The following MCU variants were observed in gnomAD, a reference collection of about 807,000 sequenced individuals.
MCU encodes calcium uniporter protein, mitochondrial.
Under a neutral mutation model 45.2 loss-of-function variants are expected in MCU, and 12 were observed. The ratio of observed to expected loss-of-function variants is 0.27; its 90% CI spans 0.17 to 0.43. The LOEUF is 0.43. Ranked by LOEUF, MCU falls within the 20% of genes least tolerant of loss-of-function variation. The pLI is 1.00. For missense variants in MCU, 324 were observed against 436.7 expected (o/e 0.74, Z 2.30); for synonymous variants, 160 against 165.1 (o/e 0.97, Z 0.24).
chr10:72,761,867 C>T (rs756536681), intron 1 of MCU, among the ~76,000 whole-genome samples: 10 of 152,010 alleles, frequency 6.6e-5, no homozygotes, highest in Non-Finnish European at 1.5e-4. Context: ...CTCCAAAGTC[C>T]ATTATATCAC....
intron 1 of MCU, among the ~76,000 whole-genome samples, chr10:72,784,916 A>G (rs1256772036): frequency 1.3e-5 from 2 of 152,182 alleles, no homozygotes; most frequent in Non-Finnish European, 2.9e-5. Context: ...ACACACATGG[A>G]TAATGATTTT....
intron 1 of MCU, among the ~76,000 whole-genome samples, chr10:72,711,221 C>CT (rs78511090): frequency 0.016 from 2,081 of 130,008 alleles, 31 homozygotes; most frequent in East Asian, 0.093. Context: ...TTCTGCAAAT[C>CT]TTTTTTTTTT....
intron 1 of MCU, among the ~76,000 whole-genome samples, chr10:72,741,553 G>A (rs1843332409): frequency 6.6e-6 from 1 of 152,158 alleles, no homozygotes; most frequent in African/African-American, 2.4e-5. Context: ...TCCATGCCAG[G>A]TAAAGTGAGA....
intron 6 of MCU, among the ~76,000 whole-genome samples, chr10:72,877,600 T>A (rs1023093061): frequency 5.9e-5 from 9 of 151,840 alleles, no homozygotes; most frequent in Non-Finnish European, 8.8e-5. Context: ...TTAGAATTGT[T>A]AGACAAAACA....
At chr10:72,702,241 ACT>A (rs1842767483) in intron 1 of MCU, among the ~76,000 whole-genome samples, 1 of 151,314 alleles carries the variant, frequency 6.6e-6, no homozygotes, top group Non-Finnish European at 1.5e-5. Context: ...ACAGAGCAAA[ACT>A]CTGTCTCAAA....
chr10:72,782,568 C>T (rs1416947453), intron 1 of MCU, among the ~76,000 whole-genome samples: 1 of 152,206 alleles, frequency 6.6e-6, no homozygotes, highest in Non-Finnish European at 1.5e-5. Flanking sequence ...GGCGGGGTTT[C>T]GCCATGTTGG....
rs147335862 is a variant in MCU at position 72,838,685 on chromosome 10, A to G, written c.220+4257A>G. On this transcript the variant is annotated intron_variant, in intron 2 of 7. Coordinates refer to ENST00000373053, the MANE Select transcript of MCU (RefSeq NM_138357.3). ...GAATTGCTAGAGAGTTGTTATGTTT[A>G]TCTTGTACTTAACAAAAGATACAAG... is the stretch of plus-strand genomic sequence containing the variant. Among the ~76,000 whole-genome samples, 460 of 152,326 alleles carry G rather than the reference A, an allele frequency of 3.0e-3. 4 individuals are homozygous for G. The highest frequency in any genetic ancestry group is 0.01 in the African/African-American group (431 of 41,580).
At chr10:72,757,935 G>A (rs1843602034) in intron 1 of MCU, among the ~76,000 whole-genome samples, 1 of 152,230 alleles carries the variant, frequency 6.6e-6, no homozygotes, top group Non-Finnish European at 1.5e-5. Context: ...TAGAACACTT[G>A]CCTATGTAGC....
chr10:72,722,616 A>C (rs932609581), intron 1 of MCU, among the ~76,000 whole-genome samples: 8 of 151,866 alleles, frequency 5.3e-5, no homozygotes, highest in Admixed American at 5.3e-4. Context: ...TTTAAAAATT[A>C]ATTTTTCAGG....
intron 1 of MCU, among the ~76,000 whole-genome samples, chr10:72,737,390 A>G (rs1189522434): frequency 6.6e-6 from 1 of 152,232 alleles, no homozygotes; most frequent in Non-Finnish European, 1.5e-5. Flanking sequence ...CCTGGGCCCC[A>G]GACTTTAAAG....
At chr10:72,705,813 C>T (rs1016403363) in intron 1 of MCU, among the ~76,000 whole-genome samples, 14 of 147,934 alleles carry the variant, frequency 9.5e-5, no homozygotes, top group African/African-American at 2.8e-4. Context: ...GCAAAAACTC[C>T]GTCTCAAAAA....
chr10:72,793,297 A>C (rs761073293), intron 1 of MCU, among the ~76,000 whole-genome samples: 1 of 152,198 alleles, frequency 6.6e-6, no homozygotes, highest in Non-Finnish European at 1.5e-5. Flanking sequence ...GTCACAGATG[A>C]GAAGCCAGAT....
intron 1 of MCU, among the ~76,000 whole-genome samples, chr10:72,788,385 G>A (rs1844107433): frequency 6.6e-6 from 1 of 152,212 alleles, no homozygotes; most frequent in Non-Finnish European, 1.5e-5. Flanking sequence ...AACACTTTGG[G>A]AGGCCAAGGC....
intron 1 of MCU, among the ~76,000 whole-genome samples, chr10:72,790,175 G>A (rs966397668): frequency 1.3e-5 from 2 of 152,144 alleles, no homozygotes; most frequent in African/African-American, 4.8e-5. Context: ...TAACCCTACA[G>A]CATTGAAGTC....
chr10:72,806,329 T>G (rs1844448523), intron 1 of MCU, among the ~76,000 whole-genome samples: 4 of 152,054 alleles, frequency 2.6e-5, no homozygotes, highest in Admixed American at 2.6e-4. Context: ...GGTTAATTTT[T>G]TTGTGTCTTT....
intron 1 of MCU, among the ~76,000 whole-genome samples, chr10:72,766,098 C>A (rs1287963826): frequency 6.6e-6 from 1 of 152,092 alleles, no homozygotes; most frequent in Non-Finnish European, 1.5e-5. Context: ...GAACACCTGG[C>A]CTCAAGCAGT....
chr10:72,869,535 C>T (rs371004985), intron 5 of MCU, among the ~76,000 whole-genome samples: 2 of 152,272 alleles, frequency 1.3e-5, no homozygotes, highest in African/African-American at 4.8e-5. Context: ...TTGCAGTGAG[C>T]CAAAATTGCA....
At chr10:72,692,815 G>T in intron 1 of MCU, 1 of 1,417,410 alleles carries the variant, frequency 7.1e-7, no homozygotes, top group Non-Finnish European at 9.2e-7. Flanking sequence ...GCCGCCCCTC[G>T]TCCTCTCTCG....
intron 1 of MCU, among the ~76,000 whole-genome samples, chr10:72,784,566 G>A (rs1201279309): frequency 6.6e-6 from 1 of 152,158 alleles, no homozygotes; most frequent in Non-Finnish European, 1.5e-5. Flanking sequence ...TTGTCAGCAG[G>A]GATTAGATCT....
Sources: allele counts gnomAD v4.1 joint callset (sites outside exome capture counted in the v4.1 genomes callset), GRCh38; gene constraint gnomAD v4.1.1; transcripts MANE v1.5; gene names NCBI Gene and HGNC (gene_info 2026-07-23, HGNC 2026-07-21).